The following ZZEF1 variants were observed in gnomAD, a reference collection of about 807,000 sequenced individuals.
The protein encoded by ZZEF1 is zinc finger ZZ-type and EF-hand domain-containing protein 1.
ZZEF1 carries 157 observed loss-of-function variants against 342.8 expected under a neutral mutation model. The ratio of observed to expected loss-of-function variants is 0.46; its 90% CI spans 0.40 to 0.52. The LOEUF (loss-of-function observed/expected upper bound fraction) is 0.52, where lower values mean the gene tolerates loss of function less well. ZZEF1 is among the 20% of genes least tolerant of loss of function. ZZEF1 has a pLI of 0.00. For missense variants in ZZEF1, 3,480 were observed against 3,725.6 expected, an observed-to-expected ratio of 0.93 and a Z score of 1.72; for synonymous variants, 1,505 against 1,429.1, an observed-to-expected ratio of 1.05 and a Z score of -1.20.
In ZZEF1 at chr17:4,087,436, T is replaced by C. The variant is rs2057853209; in HGVS notation, c.2340A>G (p.Gln780=). 6.2e-7 allele frequency: 1 copy of C among 1,608,364 alleles called. No homozygotes were observed. The highest frequency in any genetic ancestry group is 1.1e-5 in the South Asian group (1 of 89,190). ...CCTTATAACAAATTCTGACCTACTT[T>C]TGCTTTAATTTACTGTAAAAATTCC... ...IFWNFYSKLK[Q]NPREECVSAQ... The change falls in exon 14 of 55, where the codon CAA becomes CAG. Residue 780 remains glutamine (Q), a splice_region_variant and synonymous_variant. Coordinates refer to ENST00000381638, the MANE Select transcript of ZZEF1 (RefSeq NM_015113.4).
intron 39 of ZZEF1, among the ~76,000 whole-genome samples, chr17:4,035,464 T>C (rs190276589): frequency 6.6e-6 from 1 of 151,954 alleles, no homozygotes; most frequent in Non-Finnish European, 1.5e-5. Context: ...CCACATGGTG[T>C]CAGAACCCAA....
At chr17:4,049,024 T>C (rs1047139019) in intron 37 of ZZEF1, among the ~76,000 whole-genome samples, 14 of 152,126 alleles carry the variant, frequency 9.2e-5, no homozygotes, top group African/African-American at 3.4e-4. Flanking sequence ...TTAATTTCTT[T>C]AGGTGCACAA....
In ZZEF1 at chr17:4,070,704, TATAA is replaced by T; in HGVS notation, c.4051_4054del (p.Leu1351MetfsTer14). On this transcript the variant is annotated frameshift_variant, in exon 26 of 55. Coordinates refer to ENST00000381638, the MANE Select transcript of ZZEF1 (RefSeq NM_015113.4). LOFTEE classifies it high-confidence loss of function. The stretch of plus-strand genomic sequence containing the variant: ...GTTACCATATTTTTGCAGCTTCTCA[TATAA>T]ATCTGGAGTGCGATACACCAGAGCA... The T allele has an allele frequency of 6.2e-7, 1 of 1,613,708 alleles. No homozygotes were observed. Among genetic ancestry groups the T allele is most frequent in the East Asian group, 2.2e-5 (1 of 44,890 alleles).
Position 4,075,082 on chromosome 17 carries a change from G to C in ZZEF1, c.3483+15C>G, listed in dbSNP as rs747146483. On this transcript the variant is annotated intron_variant, in intron 23 of 54. Coordinates refer to ENST00000381638, the MANE Select transcript of ZZEF1 (RefSeq NM_015113.4). ...GGTGCAGAAGTAGGTACCTCTTTCT[G>C]GGACTATCACTCACCTTGGGCCATT... 6.2e-7 allele frequency: 1 copy of C among 1,613,686 alleles called. No individual in the cohort carries two copies. Among genetic ancestry groups the C allele is most frequent in the Admixed American group, 1.7e-5 (1 of 60,014 alleles).
chr17:4,008,325 C>A lies in ZZEF1; in HGVS notation c.8805+558G>T. On this transcript the variant is annotated intron_variant, in intron 54 of 54. Coordinates refer to ENST00000381638, the MANE Select transcript of ZZEF1 (RefSeq NM_015113.4). This position sits in a 1 kb window ranked among gnomAD's most constrained non-coding sequence, Gnocchi z 4.2. Reference sequence around the variant, plus strand: ...TTTGAAAAGTTAGAGTCGTTTTTCACAAGACGTGTTATTCATGTTAACATG... The same window carrying A: ...TTTGAAAAGTTAGAGTCGTTTTTCAAAAGACGTGTTATTCATGTTAACATG... The A allele has an allele frequency of 1.3e-5, 2 of 156,028 alleles. No homozygotes were observed. Among genetic ancestry groups the A allele is most frequent in the Non-Finnish European group, 2.8e-5 (2 of 72,518 alleles). The allele number at this position is 156,028 out of a possible 1,614,324, so 9.7% of individuals were successfully genotyped here.
In ZZEF1 at chr17:4,142,976, T is replaced by G; in HGVS notation, c.-81A>C. 7.9e-7 allele frequency: 1 copy of G among 1,258,592 alleles called. No homozygotes were observed. The highest frequency in any genetic ancestry group is 3.0e-4 in the Middle Eastern group (1 of 3,362). 78.0% of individuals were successfully genotyped at this position (1,258,592 alleles called of 1,614,324 possible). A position where few individuals can be genotyped will look rare whatever the true frequency, so the allele number is the denominator to read the frequency against. On this transcript the variant is annotated 5_prime_UTR_variant, in exon 1 of 55. Coordinates refer to ENST00000381638, the MANE Select transcript of ZZEF1 (RefSeq NM_015113.4). ...CGACCTGTCAACCTCCGACAGCAGC[T>G]GGCGGGCGGGGACGCGGAGGAGACG... is the stretch of plus-strand genomic sequence containing the variant.
At chr17:4,133,657 G>A (rs1356511463) in intron 1 of ZZEF1, among the ~76,000 whole-genome samples, 7 of 151,882 alleles carry the variant, frequency 4.6e-5, no homozygotes, top group Non-Finnish European at 1.0e-4. Flanking sequence ...CACAACTCCT[G>A]CTGTGTATTG....
rs1204233583 is a variant in ZZEF1 at position 4,088,671 on chromosome 17, G to T, written c.2241+7C>A. On this transcript the variant is annotated splice_region_variant and intron_variant, in intron 13 of 54. Transcript: ENST00000381638. ...GGAATGCCGTCTAACAACTGAGGAA[G>T]CCCTACCAGGTCATGGGCGAGCTGC... 1 of 1,613,128 alleles carries T rather than the reference G, an allele frequency of 6.2e-7. No homozygotes were observed. Among genetic ancestry groups the T allele is most frequent in the African/African-American group, 1.3e-5 (1 of 75,046 alleles).
At chr17:4,076,320 A>G (rs2057618827) in intron 21 of ZZEF1, 1 of 161,066 alleles carries the variant, frequency 6.2e-6, no homozygotes. Context: ...TTTTTAGTAG[A>G]GACGGGGTTT....
At chr17:4,123,297 A>ATAT (rs1555611667) in intron 2 of ZZEF1, among the ~76,000 whole-genome samples, 2 of 100,964 alleles carry the variant, frequency 2.0e-5, no homozygotes, top group Non-Finnish European at 4.4e-5. Context: ...ATATATATAT[A>ATAT]TATATATATA....
chr17:4,064,663 G>A lies in ZZEF1; in HGVS notation c.4416C>T (p.Ala1472=), dbSNP rs780115088. 1 of 1,614,174 alleles carries A rather than the reference G, an allele frequency of 6.2e-7. No homozygotes were observed. The highest frequency in any genetic ancestry group is 8.5e-7 in the Non-Finnish European group (1 of 1,180,028). Residue 1472 remains alanine, a synonymous_variant, in exon 29 of 55, where the codon GCC becomes GCT. Coordinates refer to ENST00000381638, the MANE Select transcript of ZZEF1 (RefSeq NM_015113.4). ...GTGCGGCTTCAGTGGGAGATACTGAGGCTTGGAAATGCTCTTCCACCACAG... is the reference window on the plus strand; with the variant it reads ...GTGCGGCTTCAGTGGGAGATACTGAAGCTTGGAAATGCTCTTCCACCACAG... ...TSSVVEEHFQ[A]SVSPTEAAPP...
chr17:4,142,750 G>C lies in ZZEF1; in HGVS notation c.146C>G (p.Ala49Gly). Residue 49 changes from alanine to glycine, a missense_variant, in exon 1 of 55, where the codon GCG (alanine) becomes GGG (glycine). Transcript: ENST00000381638. ...TCGCAGCCTGGCCGGCTCCAGCAGC[G>C]CCGCGGCGGGTGGTAGCGCTGGAGC... ...VAAPALPPAA[A>G]LLEPARLREA... The C allele has an allele frequency of 1.3e-6, 2 of 1,487,428 alleles. No individual in the cohort carries two copies. The highest frequency in any genetic ancestry group is 1.3e-5 in the South Asian group (1 of 78,308). 92.1% of individuals were successfully genotyped at this position (1,487,428 alleles called of 1,614,324 possible).
In ZZEF1 at chr17:4,062,756, G is replaced by A; in HGVS notation, c.4880C>T (p.Thr1627Ile). The change falls in exon 30 of 55, where the codon ACC (threonine) becomes ATC (isoleucine). Residue 1627 changes from threonine to isoleucine, a missense_variant. By Grantham distance (89) the Thr-to-Ile change is moderately conservative. This residue lies in a region of ZZEF1 where 1,528 missense variants were observed against 1,624.1 expected (regional missense o/e 0.94). Coordinates refer to ENST00000381638, the MANE Select transcript of ZZEF1 (RefSeq NM_015113.4). ...LELLTCQKDF[T>I]NYFGHLEGCG... ...TGGACCTGTCCTTTGTACTTACTTGGTAAAATCTTTCTGACAGGTCAGAAG... is the reference window on the plus strand; with the variant it reads ...TGGACCTGTCCTTTGTACTTACTTGATAAAATCTTTCTGACAGGTCAGAAG... 3 of 1,601,716 alleles carry A rather than the reference G, an allele frequency of 1.9e-6. No homozygotes were observed. The highest frequency in any genetic ancestry group is 1.1e-5 in the South Asian group (1 of 89,194).
At chr17:4,129,206 T>A (rs571281097) in intron 1 of ZZEF1, among the ~76,000 whole-genome samples, 1 of 152,170 alleles carries the variant, frequency 6.6e-6, no homozygotes, top group Non-Finnish European at 1.5e-5. Flanking sequence ...TAAACAGATA[T>A]TGCAATCATG....
chr17:4,010,040 C>A (rs1047747847), intron 52 of ZZEF1, among the ~76,000 whole-genome samples: 1 of 152,018 alleles, frequency 6.6e-6, no homozygotes, highest in Admixed American at 6.6e-5. Flanking sequence ...ATGGATGTTA[C>A]GGGCTACACA....
chr17:4,033,164 G>A (rs2056586441), intron 40 of ZZEF1, 162 bp from the exon 41 acceptor site: 3 of 659,214 alleles, frequency 4.6e-6, no homozygotes, highest in Admixed American at 3.0e-5. Flanking sequence ...GTGAGTAAAA[G>A]AGCAAACAAA....
rs2055763654 is a variant in ZZEF1 at position 4,004,567 on chromosome 17, A to T, written c.*2323T>A. 1 of 152,604 alleles carries T rather than the reference A, an allele frequency of 6.6e-6. No homozygotes were observed. Among genetic ancestry groups the T allele is most frequent in the Admixed American group, 6.5e-5 (1 of 15,292 alleles). 9.5% of individuals were successfully genotyped at this position (152,604 alleles called of 1,614,324 possible). On this transcript the variant is annotated 3_prime_UTR_variant, in exon 55 of 55. Coordinates refer to ENST00000381638, the MANE Select transcript of ZZEF1 (RefSeq NM_015113.4). ...GATAGAATCAAAATTCTTTCAACCA[A>T]ATAAGAAAAATTCAAAATCGTAAAC...
chr17:4,064,068 G>T lies in ZZEF1; in HGVS notation c.4718+293C>A, dbSNP rs558271081. Among the ~76,000 whole-genome samples the T allele has an allele frequency of 2.6e-5, 4 of 151,526 alleles. No homozygotes were observed. In the East Asian group the frequency reaches 5.8e-4, roughly 22 times the overall value. On this transcript the variant is annotated intron_variant, in intron 29 of 54. Coordinates refer to ENST00000381638, the MANE Select transcript of ZZEF1 (RefSeq NM_015113.4). ...AAAAAATTTTTTGTAGATGGAGGGG[G>T]GGGGGTCTCACTATGTTGCCCAGGT...
At chr17:4,025,777 G>C (rs1156444253) in intron 42 of ZZEF1, among the ~76,000 whole-genome samples, 1 of 152,032 alleles carries the variant, frequency 6.6e-6, no homozygotes, top group African/African-American at 2.4e-5. Context: ...TAAACAACCA[G>C]GACACTGAAA....
Sources: allele counts gnomAD v4.1 joint callset (sites outside exome capture counted in the v4.1 genomes callset), GRCh38; gene constraint gnomAD v4.1.1; regional missense constraint gnomAD v4.1.1; non-coding constraint Gnocchi (gnomAD v3.1); transcripts MANE v1.5; gene names NCBI Gene and HGNC (gene_info 2026-07-23, HGNC 2026-07-21).